MAP2K6: variants seen among roughly 807,000 people sequenced by gnomAD.
MAP2K6 encodes mitogen-activated protein kinase kinase 6.
A neutral mutation model predicts 53.7 loss-of-function variants in MAP2K6; 16 were observed. That is an observed-to-expected ratio of 0.30 (90% CI 0.20 to 0.45). MAP2K6 has a LOEUF of 0.45. MAP2K6 is among the 20% of genes least tolerant of loss of function. The probability of loss-of-function intolerance (pLI) is 1.00; values close to 1 mark genes in which losing one functional copy is unlikely to be tolerated. For missense variants in MAP2K6, 204 were observed against 411.9 expected (o/e 0.50, Z 4.37); for synonymous variants, 132 against 143.1 (o/e 0.92, Z 0.55).
chr17:69,482,632 G>A (rs1908387555), intron 1 of MAP2K6, among the ~76,000 whole-genome samples: 1 of 151,532 alleles, frequency 6.6e-6, no homozygotes, highest in African/African-American at 2.4e-5. Flanking sequence ...CTACATTCTT[G>A]TTTTGGCTCC....
At chr17:69,509,673 C>T (rs2716211) in intron 2 of MAP2K6, among the ~76,000 whole-genome samples, 2 of 151,806 alleles carry the variant, frequency 1.3e-5, no homozygotes, top group African/African-American at 4.8e-5. Flanking sequence ...TAATAAAGTT[C>T]ATGAGAGCAG....
chr17:69,548,117 C>T lies in MAP2K6; in HGVS notation c.*6364C>T, dbSNP rs149776800. 17 of 152,320 alleles carry T rather than the reference C, an allele frequency of 1.1e-4. No individual in the cohort carries two copies. The East Asian group carries it at 3.1e-3, about 28-fold the overall frequency. 9.4% of individuals were successfully genotyped at this position (152,320 alleles called of 1,614,324 possible). A position where few individuals can be genotyped will look rare whatever the true frequency, so the allele number is the denominator to read the frequency against. ...AGGTGTTCTTAAAGCTCCCTGTTCT[C>T]ACTGCGACAGAAGACTCAGGCCTAC... On this transcript the variant is annotated 3_prime_UTR_variant, in exon 12 of 12. Transcript: ENST00000590474.
chr17:69,497,621 T>G (rs552102672), intron 1 of MAP2K6, among the ~76,000 whole-genome samples: 1 of 152,192 alleles, frequency 6.6e-6, no homozygotes, highest in African/African-American at 2.4e-5. Flanking sequence ...AATATATTTG[T>G]TACAGTATTT....
chr17:69,423,041 G>A (rs1047905058), intron 1 of MAP2K6, among the ~76,000 whole-genome samples: 3 of 151,992 alleles, frequency 2.0e-5, no homozygotes, highest in East Asian at 1.9e-4. Flanking sequence ...GCACCACCAC[G>A]CCCAGCTAAT....
At chr17:69,504,883 A>G (rs1334404864) in intron 1 of MAP2K6, among the ~76,000 whole-genome samples, 1 of 152,222 alleles carries the variant, frequency 6.6e-6, no homozygotes, top group Non-Finnish European at 1.5e-5. Flanking sequence ...GGAACAGGGA[A>G]AATGTAAATA....
intron 11 of MAP2K6, among the ~76,000 whole-genome samples, chr17:69,537,269 A>C (rs182456003): frequency 6.6e-6 from 1 of 152,284 alleles, no homozygotes; most frequent in East Asian, 1.9e-4. Flanking sequence ...AATTCAGACT[A>C]TTTGCTAATT....
chr17:69,551,188 A>G lies in MAP2K6; in HGVS notation c.*9435A>G, dbSNP rs1191546429. On this transcript the variant is annotated 3_prime_UTR_variant, in exon 12 of 12. Coordinates refer to ENST00000590474, the MANE Select transcript of MAP2K6 (RefSeq NM_002758.4). ...CTCTAGGTTTGCAGAGGCAGGAGTT[A>G]CCGTTTTTGTTCATTGACCTATCAG... The G allele has an allele frequency of 2.0e-5, 3 of 152,170 alleles. No individual in the cohort carries two copies. Among genetic ancestry groups the G allele is most frequent in the African/African-American group, 7.2e-5 (3 of 41,434 alleles). The allele number at this position is 152,170 out of a possible 1,614,324, so 9.4% of individuals were successfully genotyped here.
chr17:69,525,457 A>G (rs941753793), intron 9 of MAP2K6, among the ~76,000 whole-genome samples: 6 of 152,194 alleles, frequency 3.9e-5, no homozygotes, highest in African/African-American at 1.4e-4. Context: ...AGGTCAGTGT[A>G]TTAGTTCGTT....
intron 1 of MAP2K6, among the ~76,000 whole-genome samples, chr17:69,432,189 C>A (rs1906484594): frequency 6.6e-6 from 1 of 152,200 alleles, no homozygotes; most frequent in South Asian, 2.1e-4. Flanking sequence ...TGACATGTGG[C>A]ATTTTACATC....
intron 10 of MAP2K6, among the ~76,000 whole-genome samples, chr17:69,533,238 C>T (rs967245141): frequency 7.2e-5 from 11 of 152,050 alleles, no homozygotes; most frequent in East Asian, 5.8e-4. Flanking sequence ...TGCACCTGGT[C>T]GAGAAATCTT....
intron 10 of MAP2K6, among the ~76,000 whole-genome samples, chr17:69,533,026 T>C (rs1180209563): frequency 1.3e-5 from 2 of 152,184 alleles, no homozygotes; most frequent in Non-Finnish European, 2.9e-5. Context: ...CCTCCCAGGT[T>C]CAAGTGATTC....
At chr17:69,480,324 A>G (rs935273813) in intron 1 of MAP2K6, among the ~76,000 whole-genome samples, 1 of 152,104 alleles carries the variant, frequency 6.6e-6, no homozygotes, top group Non-Finnish European at 1.5e-5. Flanking sequence ...TTCACAGGAC[A>G]TTCCGTTCTT....
intron 1 of MAP2K6, among the ~76,000 whole-genome samples, chr17:69,451,161 T>G (rs1460831631): frequency 6.6e-6 from 1 of 152,222 alleles, no homozygotes; most frequent in African/African-American, 2.4e-5. Context: ...CAATAGCGAA[T>G]GGTCAGGGGC....
chr17:69,469,034 G>T (rs534991876), intron 1 of MAP2K6, among the ~76,000 whole-genome samples: 175 of 152,284 alleles, frequency 1.1e-3, no homozygotes, highest in African/African-American at 4.0e-3. Context: ...GGCCCTTGTG[G>T]TCTGCAGCAG....
rs58968517 is a variant in MAP2K6, at chr17:69,489,220, CAAAAAAAA to C, written c.17-16548_17-16541del. On this transcript the variant is annotated intron_variant, in intron 1 of 11. Transcript: ENST00000590474. ...GGGCAACAAGAGTGAAACTCTGTCT[CAAAAAAAA>C]AAAAAAAAAAAGGAAAAAAGGAAAA... Among the ~76,000 whole-genome samples the C allele has an allele frequency of 8.0e-5, 5 of 62,636 alleles. No individual in the cohort carries two copies. The South Asian group carries it at 3.1e-3, about 39-fold the overall frequency. 41.1% of individuals were successfully genotyped at this position (62,636 alleles called of 152,430 possible). A position where few individuals can be genotyped will look rare whatever the true frequency, so the allele number is the denominator to read the frequency against.
chr17:69,476,519 T>C (rs1380459156), intron 1 of MAP2K6, among the ~76,000 whole-genome samples: 1 of 152,210 alleles, frequency 6.6e-6, no homozygotes, highest in Non-Finnish European at 1.5e-5. Context: ...CATACACTCA[T>C]TGCTGCACCT....
At chr17:69,476,952 G>A (rs1379047040) in intron 1 of MAP2K6, among the ~76,000 whole-genome samples, 1 of 152,178 alleles carries the variant, frequency 6.6e-6, no homozygotes, top group African/African-American at 2.4e-5. Context: ...GGTTGTCTGA[G>A]AAGAAGACTC....
chr17:69,528,911 A>G (rs903487090), intron 10 of MAP2K6, among the ~76,000 whole-genome samples: 1 of 151,646 alleles, frequency 6.6e-6, no homozygotes, highest in Non-Finnish European at 1.5e-5. Flanking sequence ...TGGGTAGTAC[A>G]GAACAGTAGT....
chr17:69,549,367 T>C lies in MAP2K6; in HGVS notation c.*7614T>C, dbSNP rs1175003655. 1 of 152,174 alleles carries C rather than the reference T, an allele frequency of 6.6e-6. No homozygotes were observed. The highest frequency in any genetic ancestry group is 1.5e-5 in the Non-Finnish European group (1 of 68,018). 9.4% of individuals were successfully genotyped at this position (152,174 alleles called of 1,614,324 possible). A position where few individuals can be genotyped will look rare whatever the true frequency, so the allele number is the denominator to read the frequency against. On this transcript the variant is annotated 3_prime_UTR_variant, in exon 12 of 12. Transcript: ENST00000590474. ...CAAGTTTAGGCACTTACTTGTGTCT[T>C]AATGTGGGAAACAGAACTTTCTAAG...
Sources: allele counts gnomAD v4.1 joint callset (sites outside exome capture counted in the v4.1 genomes callset), GRCh38; gene constraint gnomAD v4.1.1; transcripts MANE v1.5; gene names NCBI Gene and HGNC (gene_info 2026-07-23, HGNC 2026-07-21).